Variants in NRG3 observed in about 807,000 individuals in gnomAD.
NRG3 encodes the protein neuregulin 3.
A neutral mutation model predicts 66.9 loss-of-function variants in NRG3; 31 were observed. That is an observed-to-expected ratio of 0.46 (90% CI 0.35 to 0.63). The LOEUF is 0.63. Among genes scored for constraint, NRG3 ranks in the 20% least tolerant of loss-of-function variants. The pLI, the probability that NRG3 is intolerant of heterozygous loss-of-function variation, is 0.00. For synonymous variants in NRG3, 393 were observed against 359.4 expected, an observed-to-expected ratio of 1.09 and a Z score of -1.06; for missense variants, 910 against 878.9, an observed-to-expected ratio of 1.04 and a Z score of -0.45.
At chr10:82,724,008 T>TAAAAAAAAAAAAA (rs1565242500) in intron 2 of NRG3, among the ~76,000 whole-genome samples, 4 of 143,962 alleles carry the variant, frequency 2.8e-5, no homozygotes, top group African/African-American at 1.1e-4. Context: ...AAAAAAAATT[T>TAAAAAAAAAAAAA]AAAAAATAAA....
intron 2 of NRG3, among the ~76,000 whole-genome samples, chr10:82,557,237 C>A (rs2044710223): frequency 1.3e-5 from 2 of 152,144 alleles, no homozygotes; most frequent in Non-Finnish European, 2.9e-5. Context: ...AATGGTTGAA[C>A]TAATTTACAC....
At chr10:82,558,134 A>G (rs2044770516) in intron 2 of NRG3, among the ~76,000 whole-genome samples, 1 of 152,206 alleles carries the variant, frequency 6.6e-6, no homozygotes, top group African/African-American at 2.4e-5. Flanking sequence ...CAAATTGCAG[A>G]AACAAGGAAG....
At chr10:82,758,247 T>A (rs1447787537) in intron 3 of NRG3, among the ~76,000 whole-genome samples, 1 of 152,112 alleles carries the variant, frequency 6.6e-6, no homozygotes, top group Non-Finnish European at 1.5e-5. Flanking sequence ...GGCATAGCCC[T>A]GGATGACACT....
chr10:81,919,230 A>G (rs2132848857), intron 1 of NRG3, among the ~76,000 whole-genome samples: 1 of 152,366 alleles, frequency 6.6e-6, no homozygotes, highest in South Asian at 2.1e-4. Flanking sequence ...CCCAGGGCTG[A>G]AAAGAAGTGC....
chr10:82,131,223 G>C (rs544485147), intron 1 of NRG3, among the ~76,000 whole-genome samples: 1 of 152,202 alleles, frequency 6.6e-6, no homozygotes, highest in African/African-American at 2.4e-5. Flanking sequence ...TTCTGTATAT[G>C]GCAAGAGATA....
chr10:82,975,029 T>C (rs987491521), intron 7 of NRG3, among the ~76,000 whole-genome samples: 8 of 152,222 alleles, frequency 5.3e-5, no homozygotes, highest in African/African-American at 1.4e-4. Context: ...ATGGTATGAG[T>C]CTATGTTCAA....
At chr10:81,978,101 C>T (rs1014031209) in intron 1 of NRG3, among the ~76,000 whole-genome samples, 3 of 152,118 alleles carry the variant, frequency 2.0e-5, no homozygotes, top group African/African-American at 7.2e-5. Context: ...TCCTATAGTG[C>T]TATAGAATGC....
At chr10:82,378,214 T>A (rs907226883) in intron 2 of NRG3, among the ~76,000 whole-genome samples, 9 of 152,174 alleles carry the variant, frequency 5.9e-5, no homozygotes, top group African/African-American at 2.2e-4. Flanking sequence ...AACATCAACC[T>A]GGAAAAGTTA....
intron 1 of NRG3, among the ~76,000 whole-genome samples, chr10:81,917,687 G>A (rs1845834070): frequency 6.6e-6 from 1 of 152,122 alleles, no homozygotes; most frequent in African/African-American, 2.4e-5. Flanking sequence ...TCAACTATGC[G>A]TGTACTGGTT....
At chr10:82,214,179 C>G (rs2075549267) in intron 1 of NRG3, among the ~76,000 whole-genome samples, 1 of 152,092 alleles carries the variant, frequency 6.6e-6, no homozygotes, top group Admixed American at 6.6e-5. Context: ...TTTCACTAGT[C>G]CAGGACAAAA....
chr10:82,735,381 G>C (rs1168899183), intron 2 of NRG3, among the ~76,000 whole-genome samples: 1 of 152,158 alleles, frequency 6.6e-6, no homozygotes, highest in Non-Finnish European at 1.5e-5. Context: ...ACAGTGACTG[G>C]ACAGATTGAG....
At chr10:82,186,669 T>G (rs2133293180) in intron 1 of NRG3, among the ~76,000 whole-genome samples, 1 of 152,326 alleles carries the variant, frequency 6.6e-6, no homozygotes, top group East Asian at 1.9e-4. Context: ...TGGTCAATGT[T>G]AATGTTGAAT....
At chr10:82,721,192 C>T (rs1210207484) in intron 2 of NRG3, among the ~76,000 whole-genome samples, 2 of 114,410 alleles carry the variant, frequency 1.7e-5, no homozygotes, top group African/African-American at 3.5e-5. Context: ...AGTGCAGTAG[C>T]GTGATCTCCG....
chr10:82,348,275 T>C (rs1222587191), intron 1 of NRG3, among the ~76,000 whole-genome samples: 1 of 151,922 alleles, frequency 6.6e-6, no homozygotes, highest in East Asian at 1.9e-4. Context: ...GGTGACAAAA[T>C]CTCTCAGCAT....
intron 3 of NRG3, among the ~76,000 whole-genome samples, chr10:82,792,719 A>T (rs1258077219): frequency 6.6e-6 from 1 of 151,760 alleles, no homozygotes; most frequent in African/African-American, 2.4e-5. Context: ...TTGCTCTTGT[A>T]GCCCAGGCTG....
chr10:82,840,449 G>C (rs2135744072), intron 3 of NRG3, among the ~76,000 whole-genome samples: 1 of 152,158 alleles, frequency 6.6e-6, no homozygotes, highest in East Asian at 1.9e-4. Context: ...ATCTCTGAAA[G>C]GTGGATTCTG....
At chr10:82,335,068 C>T (rs1790964335) in intron 1 of NRG3, among the ~76,000 whole-genome samples, 1 of 152,188 alleles carries the variant, frequency 6.6e-6, no homozygotes, top group African/African-American at 2.4e-5. Flanking sequence ...TTTATGCCAA[C>T]AATCAGCCCA....
chr10:82,029,367 T>TATG, intron 1 of NRG3, among the ~76,000 whole-genome samples: 1 of 152,272 alleles, frequency 6.6e-6, no homozygotes, highest in South Asian at 2.1e-4. Context: ...TGGGATTAAA[T>TATG]TAAATCATGT....
intron 2 of NRG3, among the ~76,000 whole-genome samples, chr10:82,607,504 A>G (rs1049977359): frequency 6.6e-6 from 1 of 152,154 alleles, no homozygotes; most frequent in African/African-American, 2.4e-5. Context: ...TAGACAATGT[A>G]TAATTAGGCC....
Sources: gnomAD v4.1 joint callset for allele counts (sites outside exome capture counted in the v4.1 genomes callset) on GRCh38, gnomAD v4.1.1 for gene constraint, MANE v1.5 for transcripts, NCBI Gene and HGNC (gene_info 2026-07-23, HGNC 2026-07-21) for gene names.